BICC1: variants seen among roughly 807,000 people sequenced by gnomAD.
BICC1 encodes BicC family RNA binding protein 1.
BICC1 carries 43 observed loss-of-function variants against 111.0 expected under a neutral mutation model. The ratio of observed to expected loss-of-function variants is 0.39; its 90% CI spans 0.30 to 0.50. The LOEUF (loss-of-function observed/expected upper bound fraction) is 0.50. BICC1 is among the 20% of genes least tolerant of loss of function. BICC1 has a pLI of 0.88. For synonymous variants in BICC1, 467 were observed against 434.4 expected, an observed-to-expected ratio of 1.07 and a Z score of -0.93; for missense variants, 1,091 against 1,203.2, an observed-to-expected ratio of 0.91 and a Z score of 1.38.
At chr10:58,798,257 G>A in intron 10 of BICC1, 142 bp from the exon 11 acceptor site, 2 of 660,534 alleles carry the variant, frequency 3.0e-6, no homozygotes, top group Non-Finnish European at 4.6e-6. Flanking sequence ...GTGAGTATTT[G>A]AAAGAAAATC....
intron 2 of BICC1, among the ~76,000 whole-genome samples, chr10:58,639,486 C>T (rs1320209268): frequency 1.3e-5 from 2 of 150,894 alleles, no homozygotes; most frequent in South Asian, 4.2e-4. Flanking sequence ...CCTCTGCCTC[C>T]TGGGTTCAAG....
chr10:58,739,009 A>G lies in BICC1; in HGVS notation c.307+36866A>G, dbSNP rs529534966. Reference sequence around the variant, plus strand: ...GCTGAGACAGTGGGGTTTTCTAGATATATAATCATGTCATCTGCAAACAGG... The same window carrying G: ...GCTGAGACAGTGGGGTTTTCTAGATGTATAATCATGTCATCTGCAAACAGG... On this transcript the variant is annotated intron_variant, in intron 3 of 20. Transcript: ENST00000373886. Among the ~76,000 whole-genome samples the G allele has an allele frequency of 8.5e-3, 1,300 of 152,138 alleles. 16 individuals carry two copies. Among genetic ancestry groups the G allele is most frequent in the African/African-American group, 0.03 (1,256 of 41,478 alleles).
At chr10:58,528,597 A>C (rs896094297) in intron 1 of BICC1, among the ~76,000 whole-genome samples, 1 of 151,922 alleles carries the variant, frequency 6.6e-6, no homozygotes, top group African/African-American at 2.4e-5. Context: ...TGCTCACTGC[A>C]CTAAAATTAT....
At chr10:58,751,745 A>G (rs1302760229) in intron 3 of BICC1, among the ~76,000 whole-genome samples, 1 of 152,118 alleles carries the variant, frequency 6.6e-6, no homozygotes, top group Non-Finnish European at 1.5e-5. Flanking sequence ...AAAACTTCAA[A>G]TTTTGTTTAG....
intron 2 of BICC1, among the ~76,000 whole-genome samples, chr10:58,659,420 A>G (rs1184611904): frequency 1.3e-5 from 2 of 152,236 alleles, no homozygotes; most frequent in Non-Finnish European, 2.9e-5. Context: ...GAACAAGATT[A>G]TATTCTTTGC....
At chr10:58,727,592 C>CA (rs995958316) in intron 3 of BICC1, among the ~76,000 whole-genome samples, 7 of 143,918 alleles carry the variant, frequency 4.9e-5, no homozygotes, top group East Asian at 2.1e-4. Context: ...GTCTCAACAA[C>CA]AAAAAAAAGG....
At chr10:58,777,236 A>G (rs117852295) in intron 3 of BICC1, among the ~76,000 whole-genome samples, 415 of 152,016 alleles carry the variant, frequency 2.7e-3, no homozygotes, top group Non-Finnish European at 4.9e-3. Flanking sequence ...AACAGCTTTG[A>G]TAAGTCACAG....
chr10:58,815,974 C>T (rs1844074338), intron 18 of BICC1, among the ~76,000 whole-genome samples: 1 of 152,130 alleles, frequency 6.6e-6, no homozygotes, highest in Non-Finnish European at 1.5e-5. Context: ...CCATGTGTGG[C>T]CAATGGCTAC....
intron 2 of BICC1, among the ~76,000 whole-genome samples, chr10:58,621,727 G>A (rs1845812854): frequency 6.6e-6 from 1 of 151,876 alleles, no homozygotes; most frequent in Non-Finnish European, 1.5e-5. Flanking sequence ...CCAAAAGCCT[G>A]TCTCTACTAA....
chr10:58,742,563 A>G (rs1030198763), intron 3 of BICC1, among the ~76,000 whole-genome samples: 1 of 150,374 alleles, frequency 6.7e-6, no homozygotes, highest in African/African-American at 2.5e-5. Context: ...CCAGCCTCCC[A>G]AGTAGCTGGG....
At chr10:58,696,386 A>C (rs553106130) in intron 2 of BICC1, among the ~76,000 whole-genome samples, 1 of 152,148 alleles carries the variant, frequency 6.6e-6, no homozygotes, top group South Asian at 2.1e-4. Flanking sequence ...ATTGTTTCAT[A>C]TATTTTAAAA....
chr10:58,765,577 A>G (rs2132700194), intron 3 of BICC1, among the ~76,000 whole-genome samples: 1 of 152,332 alleles, frequency 6.6e-6, no homozygotes, highest in South Asian at 2.1e-4. Context: ...CTCCACTGTA[A>G]ATCCTGAAAC....
chr10:58,688,247 T>C (rs1357726693), intron 2 of BICC1, among the ~76,000 whole-genome samples: 1 of 152,176 alleles, frequency 6.6e-6, no homozygotes, highest in East Asian at 1.9e-4. Context: ...AATTCCCTTA[T>C]TTGGTGCCGC....
At chr10:58,713,662 A>C (rs1228253701) in intron 3 of BICC1, among the ~76,000 whole-genome samples, 3 of 152,238 alleles carry the variant, frequency 2.0e-5, no homozygotes, top group Non-Finnish European at 2.9e-5. Flanking sequence ...GTCACACACA[A>C]AAAATAAAGA....
At chr10:58,807,497 C>T (rs560533443) in intron 17 of BICC1, among the ~76,000 whole-genome samples, 74 of 152,180 alleles carry the variant, frequency 4.9e-4, no homozygotes, top group African/African-American at 1.7e-3. Context: ...CTAAAGAGTC[C>T]TATTATCCAA....
intron 1 of BICC1, among the ~76,000 whole-genome samples, chr10:58,533,139 T>C (rs1447109607): frequency 6.6e-6 from 1 of 151,910 alleles, no homozygotes; most frequent in Non-Finnish European, 1.5e-5. Context: ...GAAAAACGTC[T>C]GGGAAAGCTT....
intron 3 of BICC1, among the ~76,000 whole-genome samples, chr10:58,711,321 C>CA (rs1205243915): frequency 2.6e-5 from 4 of 152,128 alleles, no homozygotes; most frequent in Non-Finnish European, 5.9e-5. Flanking sequence ...CAGAGGAGAA[C>CA]AGAGACCTGG....
intron 3 of BICC1, among the ~76,000 whole-genome samples, chr10:58,745,509 C>G (rs751656555): frequency 6.6e-6 from 1 of 151,664 alleles, no homozygotes. Context: ...AGTCATATCA[C>G]TGGGCTAAAG....
chr10:58,740,139 C>G (rs1198365166), intron 3 of BICC1, among the ~76,000 whole-genome samples: 1 of 152,106 alleles, frequency 6.6e-6, no homozygotes, highest in Non-Finnish European at 1.5e-5. Flanking sequence ...AATGCAGGAA[C>G]CTGCAGGAAG....
Sources: gnomAD v4.1 joint callset for allele counts (sites outside exome capture counted in the v4.1 genomes callset) on GRCh38, gnomAD v4.1.1 for gene constraint, MANE v1.5 for transcripts, NCBI Gene and HGNC (gene_info 2026-07-23, HGNC 2026-07-21) for gene names.